ELMO1: variants seen among roughly 807,000 people sequenced by gnomAD.
The protein encoded by ELMO1 is engulfment and cell motility protein 1.
Under a neutral mutation model 98.9 loss-of-function variants are expected in ELMO1, and 26 were observed. The ratio of observed to expected loss-of-function variants is 0.26; its 90% CI spans 0.19 to 0.36. The LOEUF is 0.36. Ranked by LOEUF, ELMO1 falls within the 10% of genes least tolerant of loss-of-function variation. The pLI, the probability that ELMO1 is intolerant of heterozygous loss-of-function variation, is 1.00. For missense variants in ELMO1, 627 were observed against 935.2 expected (o/e 0.67, Z 4.30); for synonymous variants, 346 against 346.0 (o/e 1.00, Z 0.00).
At chr7:37,075,196 G>A (rs1797503648) in intron 15 of ELMO1, among the ~76,000 whole-genome samples, 2 of 151,404 alleles carry the variant, frequency 1.3e-5, no homozygotes, top group South Asian at 4.2e-4. Flanking sequence ...GCCCAGGCTG[G>A]AGTGCAGTGG....
At chr7:37,046,581 C>T (rs745737398) in intron 15 of ELMO1, among the ~76,000 whole-genome samples, 7 of 151,942 alleles carry the variant, frequency 4.6e-5, no homozygotes, top group South Asian at 2.1e-4. Flanking sequence ...GAATCAAACA[C>T]GGGAATGAGA....
At chr7:37,127,236 T>C (rs1378964742) in intron 14 of ELMO1, among the ~76,000 whole-genome samples, 1 of 152,252 alleles carries the variant, frequency 6.6e-6, no homozygotes, top group East Asian at 1.9e-4. Context: ...TGGGTGTCAA[T>C]CAAGTATCTT....
At chr7:37,221,398 G>T (rs1793587161) in intron 10 of ELMO1, among the ~76,000 whole-genome samples, 1 of 152,176 alleles carries the variant, frequency 6.6e-6, no homozygotes, top group Non-Finnish European at 1.5e-5. Context: ...GAACTCACTG[G>T]CAACTGCCAT....
intron 16 of ELMO1, among the ~76,000 whole-genome samples, chr7:36,999,286 T>C (rs765308324): frequency 2.0e-5 from 3 of 152,204 alleles, no homozygotes; most frequent in Non-Finnish European, 4.4e-5. Flanking sequence ...ATGCTTTTCA[T>C]TGATTAAGAT....
intron 14 of ELMO1, among the ~76,000 whole-genome samples, chr7:37,122,551 C>T (rs1232763695): frequency 6.6e-6 from 1 of 152,018 alleles, no homozygotes; most frequent in Non-Finnish European, 1.5e-5. Flanking sequence ...GGCCATTACA[C>T]AATGGTAAAG....
At chr7:37,064,604 G>A (rs555481224) in intron 15 of ELMO1, among the ~76,000 whole-genome samples, 16 of 152,302 alleles carry the variant, frequency 1.1e-4, no homozygotes, top group African/African-American at 2.9e-4. Flanking sequence ...CACACAATAC[G>A]CACTCAGAAA....
At chr7:37,050,360 A>G (rs1449886155) in intron 15 of ELMO1, among the ~76,000 whole-genome samples, 1 of 151,914 alleles carries the variant, frequency 6.6e-6, no homozygotes, top group African/African-American at 2.4e-5. Flanking sequence ...TTGGCCTCCC[A>G]AAGTGCTGGG....
intron 15 of ELMO1, among the ~76,000 whole-genome samples, chr7:37,086,597 G>T (rs1783793304): frequency 6.6e-6 from 1 of 151,640 alleles, no homozygotes; most frequent in Non-Finnish European, 1.5e-5. Context: ...ACAAAAATTA[G>T]CCCAGTGTGG....
At chr7:37,038,520 C>T (rs1795319929) in intron 15 of ELMO1, among the ~76,000 whole-genome samples, 1 of 152,182 alleles carries the variant, frequency 6.6e-6, no homozygotes, top group African/African-American at 2.4e-5. Flanking sequence ...TTCCTTCTTA[C>T]CATAAAAGTC....
intron 13 of ELMO1, among the ~76,000 whole-genome samples, chr7:37,165,985 C>A (rs1235826934): frequency 6.6e-6 from 1 of 150,968 alleles, no homozygotes; most frequent in Non-Finnish European, 1.5e-5. Context: ...TTTTGGTTGG[C>A]CAAGCTATTA....
chr7:37,308,091 C>T (rs1335427540), intron 4 of ELMO1, among the ~76,000 whole-genome samples: 1 of 151,818 alleles, frequency 6.6e-6, no homozygotes, highest in Non-Finnish European at 1.5e-5. Context: ...CCAGCCTGCC[C>T]GACAGAGCAA....
At chr7:37,347,597 T>C (rs552453341) in intron 1 of ELMO1, among the ~76,000 whole-genome samples, 2 of 152,288 alleles carry the variant, frequency 1.3e-5, no homozygotes, top group East Asian at 3.9e-4. Context: ...CCCTCTCACT[T>C]GGTTCTCATT....
intron 13 of ELMO1, chr7:37,204,006 G>A (rs572432516): frequency 4.3e-5 from 19 of 437,374 alleles, no homozygotes; most frequent in African/African-American, 8.1e-5. Context: ...TGGCAGCCAC[G>A]CTAGTCGCTT....
At chr7:36,950,065 C>T (rs958360411) in intron 16 of ELMO1, among the ~76,000 whole-genome samples, 1 of 152,182 alleles carries the variant, frequency 6.6e-6, no homozygotes, top group Non-Finnish European at 1.5e-5. Flanking sequence ...CCCCTTCTCA[C>T]TCACCACTTT....
rs541276119 is a variant in ELMO1, at chr7:37,132,683, G to A, written c.1191+447C>T. Among the ~76,000 whole-genome samples, 148 of 152,276 alleles carry A rather than the reference G, an allele frequency of 9.7e-4. 4 individuals carry two copies. The South Asian group carries it at 0.029, about 30-fold the overall frequency. ...TACCTTCGTGACTAGAATTTGACGA[G>A]TCTGACGTGAAATGTAAGAAGGCAT... On this transcript the variant is annotated intron_variant, in intron 14 of 21. Transcript: ENST00000310758.
At chr7:37,120,258 G>A (rs574877751) in intron 14 of ELMO1, among the ~76,000 whole-genome samples, 2 of 152,306 alleles carry the variant, frequency 1.3e-5, no homozygotes, top group African/African-American at 4.8e-5. Context: ...TGAGATACTG[G>A]GTTCATCTCA....
chr7:37,031,495 C>T (rs907624785), intron 15 of ELMO1, among the ~76,000 whole-genome samples: 2 of 152,202 alleles, frequency 1.3e-5, no homozygotes, highest in Non-Finnish European at 2.9e-5. Context: ...ATTCGCTCCT[C>T]AGTGGTAACT....
intron 16 of ELMO1, among the ~76,000 whole-genome samples, chr7:36,895,376 A>G (rs1021182264): frequency 6.6e-6 from 1 of 152,190 alleles, no homozygotes. Flanking sequence ...CAGCAGCTAA[A>G]GCCCTGCATA....
chr7:37,433,053 G>A (rs375236709), intron 1 of ELMO1, among the ~76,000 whole-genome samples: 2 of 152,196 alleles, frequency 1.3e-5, no homozygotes, highest in Non-Finnish European at 2.9e-5. Context: ...TTAGGGCATT[G>A]CATGGCCGTG....
Sources: gnomAD v4.1 joint callset for allele counts (sites outside exome capture counted in the v4.1 genomes callset) on GRCh38, gnomAD v4.1.1 for gene constraint, MANE v1.5 for transcripts, NCBI Gene and HGNC (gene_info 2026-07-23, HGNC 2026-07-21) for gene names.